GALNT12: variants seen among roughly 807,000 people sequenced by gnomAD.
The protein encoded by GALNT12 is UDP-GalNAc:polypeptide N-acetylgalactosaminyltransferase 12.
Under a neutral mutation model 55.5 loss-of-function variants are expected in GALNT12, and 45 were observed. The observed-to-expected ratio is 0.81, with a 90% CI of 0.64 to 1.04. The LOEUF is 1.04. Among genes scored for constraint, GALNT12 ranks in the 50% least tolerant of loss-of-function variants. The pLI is 0.00. For synonymous variants in GALNT12, 304 were observed against 312.2 expected (o/e 0.97, Z 0.28); for missense variants, 709 against 754.8 (o/e 0.94, Z 0.71).
rs1317150549 is a variant in GALNT12, at chr9:98,846,139, C to G, written c.1605+16C>G. 1.2e-6 allele frequency: 2 copies of G among 1,613,936 alleles called. No individual in the cohort carries two copies. Among genetic ancestry groups the G allele is most frequent in the Non-Finnish European group, 1.7e-6 (2 of 1,179,858 alleles). On this transcript the variant is annotated intron_variant, in intron 9 of 9. Transcript: ENST00000375011. ...CTTGCAGGAGGTAGGTGAACTCTCT[C>G]CTTCCTTCCTGCTGACAGTCCCTGG...
intron 7 of GALNT12, 33 bp downstream of exon 7, chr9:98,840,166 G>A (rs779911759): frequency 2.8e-5 from 45 of 1,611,352 alleles, no homozygotes; most frequent in Non-Finnish European, 3.6e-5. Flanking sequence ...CGGCAGGCAG[G>A]GACTTCCCTG....
chr9:98,820,537 TG>T (rs1463675776), intron 1 of GALNT12, among the ~76,000 whole-genome samples: 1 of 152,266 alleles, frequency 6.6e-6, no homozygotes, highest in Non-Finnish European at 1.5e-5. Flanking sequence ...TTTGCTATTG[TG>T]AATAGTACAG....
At chr9:98,814,127 G>C (rs1269778875) in intron 1 of GALNT12, among the ~76,000 whole-genome samples, 2 of 152,096 alleles carry the variant, frequency 1.3e-5, no homozygotes, top group Non-Finnish European at 2.9e-5. Flanking sequence ...CAGGCCTGAG[G>C]CATGTAACCT....
intron 1 of GALNT12, among the ~76,000 whole-genome samples, chr9:98,811,683 C>CTTTTTTT (rs34942139): frequency 7.6e-6 from 1 of 132,044 alleles, no homozygotes. Flanking sequence ...CGAAGTCGTT[C>CTTTTTTT]TTTTTTTTTT....
Position 98,848,933 on chromosome 9 carries a change from A to T in GALNT12, c.1606-19A>T, listed in dbSNP as rs778406245. The T allele has an allele frequency of 5.6e-6, 9 of 1,614,060 alleles. No individual in the cohort carries two copies. Among genetic ancestry groups the T allele is most frequent in the Non-Finnish European group, 7.6e-6 (9 of 1,180,006 alleles). ...AGACTTTTCTGATGACTTGCCTGTC[A>T]TTCTGTTATCTTTTGTAGGATGGAT... On this transcript the variant is annotated intron_variant, in intron 9 of 9. Coordinates refer to ENST00000375011, the MANE Select transcript of GALNT12 (RefSeq NM_024642.5).
intron 3 of GALNT12, among the ~76,000 whole-genome samples, chr9:98,827,355 C>T (rs1835881860): frequency 6.6e-6 from 1 of 151,946 alleles, no homozygotes; most frequent in Admixed American, 6.6e-5. Context: ...CATGCACCAC[C>T]ACACCTGGCT....
At chr9:98,830,010 A>G (rs1835955205) in intron 3 of GALNT12, among the ~76,000 whole-genome samples, 2 of 152,234 alleles carry the variant, frequency 1.3e-5, no homozygotes, top group Admixed American at 1.3e-4. Flanking sequence ...TTGCAGGATC[A>G]TATGGTAGCT....
intron 3 of GALNT12, among the ~76,000 whole-genome samples, chr9:98,831,018 G>A (rs987909133): frequency 1.3e-5 from 2 of 152,196 alleles, no homozygotes; most frequent in Admixed American, 6.5e-5. Flanking sequence ...CTTTCCTGGT[G>A]TAGTGGCAAA....
Position 98,849,103 on chromosome 9 carries a change from A to T in GALNT12, c.*11A>T. ...GAGCGCATGTTATGAAGCCTCGTGT[A>T]TCAAGGAGCCCATCGAAGGAGACTG... is the stretch of plus-strand genomic sequence containing the variant. On this transcript the variant is annotated 3_prime_UTR_variant, in exon 10 of 10. Transcript: ENST00000375011. 6.2e-7 allele frequency: 1 copy of T among 1,614,154 alleles called. No individual in the cohort carries two copies. Among genetic ancestry groups the T allele is most frequent in the Non-Finnish European group, 8.5e-7 (1 of 1,179,976 alleles).
intron 5 of GALNT12, 71 bp downstream of exon 5, chr9:98,835,437 G>T: frequency 1.0e-6 from 1 of 962,748 alleles, no homozygotes. Context: ...GGGATTTGCT[G>T]TAAGAGCCTG....
At chr9:98,839,126 G>A (rs1267495324) in intron 6 of GALNT12, among the ~76,000 whole-genome samples, 1 of 152,148 alleles carries the variant, frequency 6.6e-6, no homozygotes, top group Non-Finnish European at 1.5e-5. Flanking sequence ...CTTTTCCTGA[G>A]GGTTCCCAGA....
intron 8 of GALNT12, among the ~76,000 whole-genome samples, chr9:98,845,345 A>T (rs1482943160): frequency 6.6e-6 from 1 of 152,108 alleles, no homozygotes; most frequent in Admixed American, 6.5e-5. Flanking sequence ...CTTGTCAAAG[A>T]TGCAGAAAAT....
At chr9:98,817,393 C>G (rs1394134636) in intron 1 of GALNT12, among the ~76,000 whole-genome samples, 1 of 152,132 alleles carries the variant, frequency 6.6e-6, no homozygotes, top group Non-Finnish European at 1.5e-5. Flanking sequence ...TTATAATACA[C>G]ACACATATGT....
intron 2 of GALNT12, among the ~76,000 whole-genome samples, chr9:98,824,186 A>T (rs962579088): frequency 5.3e-5 from 8 of 152,214 alleles, no homozygotes; most frequent in African/African-American, 1.9e-4. Flanking sequence ...CACAGACTCA[A>T]TAGTGACTCA....
chr9:98,814,112 T>C (rs1835559920), intron 1 of GALNT12, among the ~76,000 whole-genome samples: 1 of 152,190 alleles, frequency 6.6e-6, no homozygotes, highest in Non-Finnish European at 1.5e-5. Flanking sequence ...AAATTATTGA[T>C]TGGTCAGGCC....
rs534689398 is a variant in GALNT12, at chr9:98,848,684, C to T, written c.1606-268C>T. ...TGATTTCCCTGAAGGAAGCCAAATG[C>T]AATAGGGAGATGTAGGGTATGACAC... On this transcript the variant is annotated intron_variant, in intron 9 of 9. Transcript: ENST00000375011. 7.9e-6 allele frequency: 4 copies of T among 505,422 alleles called. No individual in the cohort carries two copies. In the East Asian group the frequency reaches 1.5e-4, roughly 18 times the overall value. 31.3% of individuals were successfully genotyped at this position (505,422 alleles called of 1,614,324 possible).
At chr9:98,838,249 C>A (rs1022144668) in intron 6 of GALNT12, among the ~76,000 whole-genome samples, 2 of 152,162 alleles carry the variant, frequency 1.3e-5, no homozygotes, top group African/African-American at 4.8e-5. Flanking sequence ...GTGGCCCAGG[C>A]CCCCGCTGCT....
chr9:98,821,831 T>G (rs1835749856), intron 1 of GALNT12, among the ~76,000 whole-genome samples: 1 of 152,102 alleles, frequency 6.6e-6, no homozygotes, highest in African/African-American at 2.4e-5. Flanking sequence ...CTTTTCATTT[T>G]CATAGTTTCA....
chr9:98,826,703 T>C (rs1167897982), intron 2 of GALNT12, 49 bp from the exon 3 acceptor site: 2 of 1,574,760 alleles, frequency 1.3e-6, no homozygotes, highest in Non-Finnish European at 1.7e-6. Context: ...GATGAGGCGC[T>C]CCTCCGAGAT....
Sources: gnomAD v4.1 joint callset for allele counts (sites outside exome capture counted in the v4.1 genomes callset) on GRCh38, gnomAD v4.1.1 for gene constraint, MANE v1.5 for transcripts, NCBI Gene and HGNC (gene_info 2026-07-23, HGNC 2026-07-21) for gene names.